AKAP11: variants seen among roughly 807,000 people sequenced by gnomAD.
AKAP11 encodes the protein A-kinase anchoring protein 11, also known as A-kinase anchor protein 11.
AKAP11 carries 36 observed loss-of-function variants against 146.1 expected under a neutral mutation model. The ratio of observed to expected loss-of-function variants is 0.25; its 90% CI spans 0.19 to 0.33. The LOEUF is 0.33. Ranked by LOEUF, AKAP11 falls within the 10% of genes least tolerant of loss-of-function variation. The pLI is 1.00. For synonymous variants in AKAP11, 780 were observed against 786.5 expected (o/e 0.99, Z 0.14); for missense variants, 2,201 against 2,197.0 (o/e 1.00, Z -0.04).
At chr13:42,280,390 A>G (rs1308202124) in intron 1 of AKAP11, among the ~76,000 whole-genome samples, 1 of 152,246 alleles carries the variant, frequency 6.6e-6, no homozygotes, top group Non-Finnish European at 1.5e-5. Flanking sequence ...GTGATCTCAG[A>G]TACTATAAAG....
Position 42,275,105 on chromosome 13 carries a change from A to G in AKAP11, c.-100+2877A>G, listed in dbSNP as rs369660528. Among the ~76,000 whole-genome samples, 8 of 152,342 alleles carry G rather than the reference A, an allele frequency of 5.3e-5. No homozygotes were observed. The South Asian group carries it at 6.2e-4, about 12-fold the overall frequency. Reference sequence around the variant, plus strand: ...TGCTGAAGTCCATTGCATGATTCCAATTCAGCGTTTTGGGAACCAGAAAGT... The same window carrying G: ...TGCTGAAGTCCATTGCATGATTCCAGTTCAGCGTTTTGGGAACCAGAAAGT... On this transcript the variant is annotated intron_variant, in intron 1 of 12. Coordinates refer to ENST00000025301, the MANE Select transcript of AKAP11 (RefSeq NM_016248.4).
chr13:42,312,637 A>G (rs954663957), intron 9 of AKAP11, among the ~76,000 whole-genome samples: 2 of 152,204 alleles, frequency 1.3e-5, no homozygotes, highest in Non-Finnish European at 2.9e-5. Flanking sequence ...CACTATCTAA[A>G]GACCTGAGAG....
chr13:42,301,457 C>T lies in AKAP11; in HGVS notation c.2711C>T (p.Thr904Ile), dbSNP rs1307033787. The T allele has an allele frequency of 6.2e-7, 1 of 1,613,336 alleles. No homozygotes were observed. Among genetic ancestry groups the T allele is most frequent in the South Asian group, 1.1e-5 (1 of 90,842 alleles). ...GTTACAAAAATGGTTGATGAACGTACAGATTATTTAACTAAATCTTTAAAG... is the reference window on the plus strand; with the variant it reads ...GTTACAAAAATGGTTGATGAACGTATAGATTATTTAACTAAATCTTTAAAG... The part of the protein sequence containing the change: ...LEVTKMVDER[T>I]DYLTKSLKEK... Residue 904 changes from threonine (T) to isoleucine (I), a missense_variant, in exon 8 of 13, where the codon ACA becomes ATA. Around this residue, in one of 3 missense-constraint regions of AKAP11, gnomAD observed 1,867 missense variants for 1,833.5 expected, o/e 1.02. Transcript: ENST00000025301.
chr13:42,284,801 G>A (rs1254522896), intron 1 of AKAP11, among the ~76,000 whole-genome samples: 2 of 152,216 alleles, frequency 1.3e-5, no homozygotes, highest in Non-Finnish European at 2.9e-5. Context: ...ACGCATGATC[G>A]TCTTCTGGAT....
At chr13:42,282,255 C>T (rs1351089993) in intron 1 of AKAP11, among the ~76,000 whole-genome samples, 1 of 148,104 alleles carries the variant, frequency 6.8e-6, no homozygotes, top group African/African-American at 2.5e-5. Flanking sequence ...CTGTGCTAGG[C>T]CAGTCTTTTT....
At chr13:42,296,605 C>T (rs992258927) in intron 5 of AKAP11, among the ~76,000 whole-genome samples, 7 of 151,548 alleles carry the variant, frequency 4.6e-5, no homozygotes, top group African/African-American at 1.7e-4. Flanking sequence ...AATACAATAC[C>T]TTGGAGAGGA....
At chr13:42,273,567 T>G (rs541235552) in intron 1 of AKAP11, among the ~76,000 whole-genome samples, 1 of 152,276 alleles carries the variant, frequency 6.6e-6, no homozygotes, top group Admixed American at 6.5e-5. Context: ...GACTAATGTA[T>G]GTACCCACAT....
intron 1 of AKAP11, among the ~76,000 whole-genome samples, chr13:42,274,258 CATGAGTTAAGGGTCA>C (rs1958856288): frequency 1.3e-5 from 2 of 151,824 alleles, no homozygotes; most frequent in South Asian, 4.2e-4. Flanking sequence ...TAAGCCTGGG[CATGAGTTAAGGGTCA>C]ATGAGCTGGT....
intron 10 of AKAP11, 28 bp downstream of exon 10, chr13:42,313,158 T>A: frequency 6.5e-7 from 1 of 1,531,564 alleles, no homozygotes. Flanking sequence ...ACTTAAAAAC[T>A]GATGAGTCTG....
chr13:42,289,948 C>CATCATACCTTTAAGTATGTCAGT (rs1712779098), intron 3 of AKAP11, among the ~76,000 whole-genome samples: 1 of 152,148 alleles, frequency 6.6e-6, no homozygotes, highest in Non-Finnish European at 1.5e-5. Context: ...CCTCGGTTAG[C>CATCATACCTTTAAGTATGTCAGT]ATCATACCTT....
At position 42,320,967 on chromosome 13, in the gene AKAP11, C is replaced by T. The variant is rs1457422341; in HGVS notation, c.*1739C>T. 6.6e-6 allele frequency: 1 copy of T among 152,240 alleles called. No individual in the cohort carries two copies. Among genetic ancestry groups the T allele is most frequent in the Non-Finnish European group, 1.5e-5 (1 of 68,020 alleles). 9.4% of individuals were successfully genotyped at this position (152,240 alleles called of 1,614,324 possible). On this transcript the variant is annotated 3_prime_UTR_variant, in exon 13 of 13. Transcript: ENST00000025301. ...ACAGCAAGCCTTAATATAAAGTTTC[C>T]TAAAGTTTCTTCAAGTATTTTTTAA...
At position 42,303,333 on chromosome 13, in the gene AKAP11, A is replaced by G; in HGVS notation, c.4587A>G (p.Gly1529=). The G allele has an allele frequency of 1.2e-6, 2 of 1,612,618 alleles. No individual in the cohort carries two copies. The highest frequency in any genetic ancestry group is 1.7e-6 in the Non-Finnish European group (2 of 1,180,016). ...RFYHSTGSLN[G]YGCGDNVVQA... is the part of the protein sequence containing the mutation. ...ACCACAGCACTGGCAGTTTAAATGG[A>G]TATGGTTGTGGAGACAATGTTGTTC... is the stretch of plus-strand genomic sequence containing the variant. The change falls in exon 8 of 13, where the codon GGA becomes GGG. Residue 1529 remains glycine (G), a synonymous_variant. Transcript: ENST00000025301.
chr13:42,310,335 A>C (rs1271216997), intron 9 of AKAP11, among the ~76,000 whole-genome samples: 1 of 152,190 alleles, frequency 6.6e-6, no homozygotes, highest in Non-Finnish European at 1.5e-5. Flanking sequence ...CTCGTTGCAT[A>C]TACAGTGTCC....
intron 12 of AKAP11, among the ~76,000 whole-genome samples, 170 bp downstream of exon 12, chr13:42,317,858 CAGGTTCACCAGTCTGTCTCATTGCCCCT>C (rs1370918066): frequency 6.6e-6 from 1 of 152,144 alleles, no homozygotes; most frequent in Non-Finnish European, 1.5e-5. Flanking sequence ...TAACCAGAGG[CAGGTTCACCAGTCTGTCTCATTGCCCCT>C]AACTGCACTA....
intron 3 of AKAP11, among the ~76,000 whole-genome samples, chr13:42,290,979 GA>G (rs1959203186): frequency 6.6e-6 from 1 of 152,014 alleles, no homozygotes; most frequent in Non-Finnish European, 1.5e-5. Flanking sequence ...CTTTTCAGTG[GA>G]AAAAAGGTAG....
chr13:42,294,761 C>T (rs935582246), intron 4 of AKAP11, among the ~76,000 whole-genome samples: 1 of 151,990 alleles, frequency 6.6e-6, no homozygotes, highest in Admixed American at 6.6e-5. Context: ...AAATGACTAT[C>T]ATTGATCTTA....
chr13:42,312,325 T>C (rs1053399883), intron 9 of AKAP11, among the ~76,000 whole-genome samples: 1 of 152,206 alleles, frequency 6.6e-6, no homozygotes, highest in African/African-American at 2.4e-5. Flanking sequence ...TCTTCTTCAG[T>C]TGATTAGGTA....
In AKAP11 at chr13:42,302,844, G is replaced by A. The variant is rs1388498126; in HGVS notation, c.4098G>A (p.Gln1366=). ...GTAATAGTGAGTTGATAATGGATCA[G>A]TATGCCAATAGGCTTGCCTACCGAT... ...EGGNSELIMD[Q]YANRLAYRSV... is the part of the protein sequence containing the mutation. The change falls in exon 8 of 13, where the codon CAG becomes CAA. Residue 1366 remains glutamine, a synonymous_variant. Transcript: ENST00000025301. 1.2e-6 allele frequency: 2 copies of A among 1,613,954 alleles called. No individual in the cohort carries two copies. Among genetic ancestry groups the A allele is most frequent in the African/African-American group, 1.3e-5 (1 of 74,906 alleles).
rs1388736252 is a variant in AKAP11 at position 42,303,002 on chromosome 13, A to G, written c.4256A>G (p.Gln1419Arg). 6.2e-6 allele frequency: 10 copies of G among 1,613,574 alleles called. No homozygotes were observed. Among genetic ancestry groups the G allele is most frequent in the Non-Finnish European group, 8.5e-6 (10 of 1,179,978 alleles). Residue 1419 changes from glutamine (Q) to arginine (R), a missense_variant, in exon 8 of 13, where the codon CAA (glutamine) becomes CGA (arginine). Gln to Arg is a conservative substitution (Grantham distance 43, BLOSUM62 1). Transcript: ENST00000025301. Reference protein sequence around the residue: ...LLMFSNKEHHQEADKKRQSKR... With the variant: ...LLMFSNKEHHREADKKRQSKR... ...ATGTTTTCAAACAAAGAGCACCACCAAGAAGCAGACAAAAAGAGACAAAGT... is the reference window on the plus strand; with the variant it reads ...ATGTTTTCAAACAAAGAGCACCACCGAGAAGCAGACAAAAAGAGACAAAGT...
Sources: allele counts gnomAD v4.1 joint callset (sites outside exome capture counted in the v4.1 genomes callset), GRCh38; gene constraint gnomAD v4.1.1; regional missense constraint gnomAD v4.1.1; transcripts MANE v1.5; gene names NCBI Gene and HGNC (gene_info 2026-07-23, HGNC 2026-07-21).